The following PRPSAP2 variants were observed in gnomAD, a reference collection of about 807,000 sequenced individuals.
PRPSAP2 encodes the protein phosphoribosyl pyrophosphate synthase-associated protein 2.
PRPSAP2 carries 24 observed loss-of-function variants against 40.6 expected under a neutral mutation model. The observed-to-expected ratio is 0.59, with a 90% CI of 0.43 to 0.83. PRPSAP2 has a LOEUF of 0.83. PRPSAP2 is among the 40% of genes least tolerant of loss of function. PRPSAP2 has a pLI of 0.00. For synonymous variants in PRPSAP2, 149 were observed against 164.7 expected (o/e 0.90, Z 0.73); for missense variants, 292 against 465.6 (o/e 0.63, Z 3.43).
In PRPSAP2 at chr17:18,894,159, CT is replaced by C. The variant is rs1044892454; in HGVS notation, c.584+4292del. Among the ~76,000 whole-genome samples the C allele has an allele frequency of 2.7e-4, 40 of 147,780 alleles. No individual in the cohort carries two copies. The East Asian group carries it at 4.8e-3, about 18-fold the overall frequency. On this transcript the variant is annotated intron_variant, in intron 8 of 11. Coordinates refer to ENST00000268835, the MANE Select transcript of PRPSAP2 (RefSeq NM_002767.4). ...TGAGCCACCATGCAGGCCTCTATAG[CT>C]TTTTTTTTTCTTTTGAGACGGAGTT...
chr17:18,928,550 G>T, intron 10 of PRPSAP2: 1 of 455,528 alleles, frequency 2.2e-6, no homozygotes. Flanking sequence ...AGAAAACAGT[G>T]CTACCCCTGG....
chr17:18,902,459 G>C (rs1419597898), intron 8 of PRPSAP2, among the ~76,000 whole-genome samples: 1 of 152,122 alleles, frequency 6.6e-6, no homozygotes, highest in East Asian at 1.9e-4. Flanking sequence ...GACCCACAGA[G>C]ATGAAGGAAC....
intron 6 of PRPSAP2, among the ~76,000 whole-genome samples, chr17:18,880,298 C>T (rs2038635371): frequency 6.6e-6 from 1 of 152,196 alleles, no homozygotes; most frequent in Admixed American, 6.6e-5. Flanking sequence ...ATGCTTTAAA[C>T]AATTTTTCAT....
chr17:18,870,566 G>A (rs897188093), intron 4 of PRPSAP2, among the ~76,000 whole-genome samples: 3 of 152,048 alleles, frequency 2.0e-5, no homozygotes, highest in Non-Finnish European at 4.4e-5. Flanking sequence ...CCAGCACTTT[G>A]TGGGGGTCAA....
At chr17:18,892,731 T>TG (rs2039641951) in intron 8 of PRPSAP2, among the ~76,000 whole-genome samples, 9 of 22,330 alleles carry the variant, frequency 4.0e-4, no homozygotes, top group South Asian at 9.8e-4. Context: ...GTGTGTGTAT[T>TG]TATTTATTTA....
intron 4 of PRPSAP2, among the ~76,000 whole-genome samples, chr17:18,871,657 T>C (rs1246542103): frequency 5.3e-4 from 17 of 32,312 alleles, no homozygotes; most frequent in Non-Finnish European, 8.5e-4. Context: ...AATTTTCTTT[T>C]TTTTTTTTTT....
In PRPSAP2 at chr17:18,867,440, T is replaced by C. The variant is rs1239456695; in HGVS notation, c.172+106T>C. ...GAAACGATTTGATTCAGTTGTACAT[T>C]TCCATTAGCAAGAAGTCAGGCAGGC... On this transcript the variant is annotated intron_variant, in intron 4 of 11. Coordinates refer to ENST00000268835, the MANE Select transcript of PRPSAP2 (RefSeq NM_002767.4). 358 of 1,354,502 alleles carry C rather than the reference T, an allele frequency of 2.6e-4. 1 individual carries two copies. The highest frequency in any genetic ancestry group is 9.4e-6 in the Non-Finnish European group (9 of 962,468). 83.9% of individuals were successfully genotyped at this position (1,354,502 alleles called of 1,614,324 possible). A position where few individuals can be genotyped will look rare whatever the true frequency, so the allele number is the denominator to read the frequency against.
At chr17:18,890,983 G>A (rs1163152887) in intron 8 of PRPSAP2, among the ~76,000 whole-genome samples, 2 of 152,184 alleles carry the variant, frequency 1.3e-5, no homozygotes, top group Non-Finnish European at 2.9e-5. Context: ...TGTCGGTTGA[G>A]AGGATTTCTT....
intron 6 of PRPSAP2, among the ~76,000 whole-genome samples, chr17:18,881,362 C>T (rs988421931): frequency 2.0e-5 from 3 of 151,554 alleles, no homozygotes; most frequent in Non-Finnish European, 2.9e-5. Flanking sequence ...CTCAGCCTCC[C>T]GAGTAGCTGG....
intron 8 of PRPSAP2, among the ~76,000 whole-genome samples, chr17:18,897,851 A>G (rs917227855): frequency 6.6e-6 from 1 of 152,054 alleles, no homozygotes; most frequent in African/African-American, 2.4e-5. Flanking sequence ...ATTACAATAT[A>G]CTGATGTCAT....
At chr17:18,883,161 T>C (rs888161810) in intron 7 of PRPSAP2, among the ~76,000 whole-genome samples, 5 of 152,178 alleles carry the variant, frequency 3.3e-5, no homozygotes, top group Non-Finnish European at 5.9e-5. Flanking sequence ...CCTGAAGCGG[T>C]GCTGAATCTG....
rs762759998 is a variant in PRPSAP2 at position 18,930,640 on chromosome 17, G to A, written c.1052G>A (p.Arg351Gln). 5 of 1,613,662 alleles carry A rather than the reference G, an allele frequency of 3.1e-6. No individual in the cohort carries two copies. Among genetic ancestry groups the A allele is most frequent in the Admixed American group, 1.7e-5 (1 of 59,986 alleles). Residue 351 changes from arginine (R) to glutamine (Q), a missense_variant, in exon 12 of 12, where the codon CGG becomes CAG. By Grantham distance (43) the Arg-to-Gln change is conservative. Coordinates refer to ENST00000268835, the MANE Select transcript of PRPSAP2 (RefSeq NM_002767.4). ...ISMILSEAIR[R>Q]IHNGESMSYL... ...ATGATCCTTTCAGAGGCGATCCGTC[G>A]GATCCACAATGGGGAGTCCATGTCC...
At chr17:18,863,272 G>A (rs1044700660) in intron 1 of PRPSAP2, among the ~76,000 whole-genome samples, 3 of 151,488 alleles carry the variant, frequency 2.0e-5, no homozygotes, top group Non-Finnish European at 2.9e-5. Context: ...TGATTTTTTT[G>A]TAGAGACTAG....
At chr17:18,875,031 T>G (rs1489435969) in intron 5 of PRPSAP2, among the ~76,000 whole-genome samples, 1 of 152,206 alleles carries the variant, frequency 6.6e-6, no homozygotes, top group Non-Finnish European at 1.5e-5. Flanking sequence ...CTTCTCATTT[T>G]CAAGTCCTTC....
intron 9 of PRPSAP2, among the ~76,000 whole-genome samples, chr17:18,914,107 G>A (rs2041141687): frequency 6.6e-6 from 1 of 151,392 alleles, no homozygotes; most frequent in South Asian, 2.1e-4. Flanking sequence ...CAGGGAGTTG[G>A]AGGTTGCAGT....
At chr17:18,891,829 G>A (rs141228474) in intron 8 of PRPSAP2, among the ~76,000 whole-genome samples, 91 of 152,292 alleles carry the variant, frequency 6.0e-4, no homozygotes, top group African/African-American at 1.8e-3. Flanking sequence ...TTCATCTATG[G>A]TGTAGCATGT....
chr17:18,867,379 G>GTA lies in PRPSAP2; in HGVS notation c.172+46_172+47insAT, dbSNP rs1224918774. The stretch of plus-strand genomic sequence containing the variant: ...TGGAACATTGACCTTTTTGTGAAAT[G>GTA]TGGCATATTGGCTCCGTCCTTCATC... On this transcript the variant is annotated intron_variant, in intron 4 of 11. Coordinates refer to ENST00000268835, the MANE Select transcript of PRPSAP2 (RefSeq NM_002767.4). The GTA allele has an allele frequency of 1.9e-6, 3 of 1,582,168 alleles. No homozygotes were observed. The Admixed American group carries it at 5.0e-5, about 27-fold the overall frequency.
At chr17:18,879,281 CCT>C (rs1491510914) in intron 6 of PRPSAP2, among the ~76,000 whole-genome samples, 1 of 149,256 alleles carries the variant, frequency 6.7e-6, no homozygotes, top group Non-Finnish European at 1.5e-5. Context: ...GTAGAATAAA[CCT>C]TTTTTTTTGT....
At chr17:18,920,294 G>A (rs17718196) in intron 9 of PRPSAP2, among the ~76,000 whole-genome samples, 11,026 of 152,212 alleles carry the variant, frequency 0.072, 437 homozygotes, top group Admixed American at 0.098. Flanking sequence ...CTTTGGGAGT[G>A]GACTCTGGAC....
Sources: gnomAD v4.1 joint callset for allele counts (sites outside exome capture counted in the v4.1 genomes callset) on GRCh38, gnomAD v4.1.1 for gene constraint, MANE v1.5 for transcripts, NCBI Gene and HGNC (gene_info 2026-07-23, HGNC 2026-07-21) for gene names.